Variants in CEP57 observed in about 807,000 individuals in gnomAD.
CEP57 encodes the protein centrosomal protein of 57 kDa.
In CEP57, 40 loss-of-function variants were observed where a neutral mutation model predicts 68.0. The observed-to-expected ratio is 0.59, with a 90% CI of 0.46 to 0.77. CEP57 has a LOEUF of 0.77. Ranked by LOEUF, CEP57 falls within the 30% of genes least tolerant of loss-of-function variation. The probability of loss-of-function intolerance (pLI) is 0.00; values close to 1 mark genes in which losing one functional copy is unlikely to be tolerated. For synonymous variants in CEP57, 219 were observed against 198.7 expected (o/e 1.10, Z -0.86); for missense variants, 606 against 580.7 (o/e 1.04, Z -0.45).
rs537219232 is a variant in CEP57, at chr11:95,813,668, G to A, written c.504+79G>A. The A allele has an allele frequency of 1.7e-5, 26 of 1,556,342 alleles. No individual in the cohort carries two copies. The East Asian group carries it at 1.8e-4, about 11-fold the overall frequency. On this transcript the variant is annotated intron_variant, in intron 4 of 10. Transcript: ENST00000325542. ...ATTGAATAAAGACTTTTTTTCTTTCGGTGAGGATTAATGGTGCTGTTACAG... is the reference window on the plus strand; with the variant it reads ...ATTGAATAAAGACTTTTTTTCTTTCAGTGAGGATTAATGGTGCTGTTACAG...
chr11:95,813,416 A>G, intron 3 of CEP57, 52 bp from the exon 4 acceptor site: 1 of 1,597,480 alleles, frequency 6.3e-7, no homozygotes, highest in Non-Finnish European at 8.5e-7. Flanking sequence ...CAGCTTGTTA[A>G]AACTATTTTA....
chr11:95,816,214 T>C (rs1862292032), intron 4 of CEP57, among the ~76,000 whole-genome samples: 1 of 152,162 alleles, frequency 6.6e-6, no homozygotes, highest in South Asian at 2.1e-4. Flanking sequence ...GAGAGGGAAG[T>C]GCAGAGCAAG....
chr11:95,813,692 A>G (rs1862177264), intron 4 of CEP57, 103 bp downstream of exon 4: 1 of 1,373,184 alleles, frequency 7.3e-7, no homozygotes, highest in African/African-American at 1.4e-5. Flanking sequence ...GTGCTGTTAC[A>G]GCCCAGGACT....
chr11:95,805,672 T>G (rs1288453720), intron 2 of CEP57, among the ~76,000 whole-genome samples: 2 of 152,334 alleles, frequency 1.3e-5, no homozygotes, highest in South Asian at 2.1e-4. Context: ...GGAAATGTTT[T>G]AAGATTTATA....
At chr11:95,800,830 G>A (rs1344384334) in intron 2 of CEP57, among the ~76,000 whole-genome samples, 1 of 152,136 alleles carries the variant, frequency 6.6e-6, no homozygotes, top group Non-Finnish European at 1.5e-5. Flanking sequence ...TTTGTTAATC[G>A]TCTTTTAGAT....
chr11:95,793,171 G>A (rs946358932), intron 1 of CEP57, among the ~76,000 whole-genome samples: 5 of 152,196 alleles, frequency 3.3e-5, no homozygotes, highest in Non-Finnish European at 5.9e-5. Context: ...TGGAAGTAGG[G>A]CGATAGGTTT....
chr11:95,829,716 T>C (rs1272055091), intron 10 of CEP57, among the ~76,000 whole-genome samples: 1 of 152,218 alleles, frequency 6.6e-6, no homozygotes, highest in Non-Finnish European at 1.5e-5. Flanking sequence ...AATCATTTTA[T>C]ATCAGCCAAC....
At chr11:95,799,127 C>T in intron 1 of CEP57, 105 bp from the exon 2 acceptor site, 1 of 1,119,798 alleles carries the variant, frequency 8.9e-7, no homozygotes, top group South Asian at 1.3e-5. Context: ...TGGATTTTTT[C>T]TGTTGTCTGT....
At position 95,829,254 on chromosome 11, in the gene CEP57, T is replaced by TTA; in HGVS notation, c.1195_1196insTA (p.Cys399LeufsTer7). On this transcript the variant is annotated frameshift_variant, in exon 10 of 11. Transcript: ENST00000325542. LOFTEE classifies it high-confidence loss of function. ...CGTTGAACTGAAAGACAAGTTGGAG[T>TTA]GTGAATTGGAGGCATTAGTGGGAAG... is the stretch of plus-strand genomic sequence containing the variant. The TTA allele has an allele frequency of 6.2e-7, 1 of 1,613,808 alleles. No homozygotes were observed. The highest frequency in any genetic ancestry group is 8.5e-7 in the Non-Finnish European group (1 of 1,179,972).
At position 95,818,049 on chromosome 11, in the gene CEP57, T is replaced by A. The variant is rs1372042255; in HGVS notation, c.621+146T>A. The A allele has an allele frequency of 4.7e-6, 3 of 643,142 alleles. No homozygotes were observed. In the East Asian group the frequency reaches 8.6e-5, roughly 18 times the overall value. The allele number at this position is 643,142 out of a possible 1,614,324, so 39.8% of individuals were successfully genotyped here. On this transcript the variant is annotated intron_variant, in intron 5 of 10. Coordinates refer to ENST00000325542, the MANE Select transcript of CEP57 (RefSeq NM_014679.5). ...TGGAGTTTTAAAAAGAAAATATAAA[T>A]TTGGAGAGAATGTTCACATTTTACA... is the stretch of plus-strand genomic sequence containing the variant.
At chr11:95,827,749 A>C (rs1340285733) in intron 8 of CEP57, 37 bp from the exon 9 acceptor site, 4 of 1,612,518 alleles carry the variant, frequency 2.5e-6, no homozygotes, top group Non-Finnish European at 3.4e-6. Flanking sequence ...AGAGAATATA[A>C]CTTCAATTAC....
intron 2 of CEP57, among the ~76,000 whole-genome samples, chr11:95,808,034 C>A (rs961385458): frequency 6.6e-6 from 1 of 152,088 alleles, no homozygotes; most frequent in Non-Finnish European, 1.5e-5. Context: ...GCAGAAACTA[C>A]AAGCCAGAAG....
chr11:95,827,746 A>G (rs373894070), intron 8 of CEP57, 40 bp from the exon 9 acceptor site: 22 of 1,612,352 alleles, frequency 1.4e-5, no homozygotes, highest in East Asian at 8.9e-5. Flanking sequence ...TGTAGAGAAT[A>G]TAACTTCAAT....
chr11:95,828,798 C>T (rs1045376757), intron 9 of CEP57, among the ~76,000 whole-genome samples: 1 of 152,002 alleles, frequency 6.6e-6, no homozygotes, highest in Non-Finnish European at 1.5e-5. Context: ...CATGGTGGCT[C>T]ACACCTGTAA....
At chr11:95,801,652 T>C (rs550368972) in intron 2 of CEP57, among the ~76,000 whole-genome samples, 39 of 151,956 alleles carry the variant, frequency 2.6e-4, no homozygotes, top group African/African-American at 8.7e-4. Flanking sequence ...AAGGAAACTT[T>C]TAAAAAGTTC....
At chr11:95,794,712 T>C (rs1005328194) in intron 1 of CEP57, among the ~76,000 whole-genome samples, 1 of 152,202 alleles carries the variant, frequency 6.6e-6, no homozygotes, top group African/African-American at 2.4e-5. Flanking sequence ...GTAAAATTTG[T>C]TAGTCTTTTT....
At chr11:95,796,562 G>A (rs925903942) in intron 1 of CEP57, among the ~76,000 whole-genome samples, 17 of 152,074 alleles carry the variant, frequency 1.1e-4, no homozygotes, top group African/African-American at 3.4e-4. Flanking sequence ...CCTGTTTTGC[G>A]GAGGAAATGT....
In CEP57 at chr11:95,813,607, C is replaced by T. The variant is rs1294798921; in HGVS notation, c.504+18C>T. The T allele has an allele frequency of 6.2e-7, 1 of 1,611,718 alleles. No individual in the cohort carries two copies. Among genetic ancestry groups the T allele is most frequent in the East Asian group, 2.2e-5 (1 of 44,806 alleles). The stretch of plus-strand genomic sequence containing the variant: ...AGAAACAAGTAAGTAAAGCACCTCA[C>T]AGATTGATACTCAAGAACAGTTATG... On this transcript the variant is annotated intron_variant, in intron 4 of 10. Transcript: ENST00000325542.
Position 95,812,808 on chromosome 11 carries a change from A to G in CEP57, c.203-124A>G, listed in dbSNP as rs1862124491. 5.8e-6 allele frequency: 5 copies of G among 860,948 alleles called. No homozygotes were observed. The East Asian group carries it at 9.8e-5, about 17-fold the overall frequency. 53.3% of individuals were successfully genotyped at this position (860,948 alleles called of 1,614,324 possible). ...ATAATTAACATTTTATTGTTCCCAA[A>G]GAGTGATCCTCCACTGGACTCATCC... On this transcript the variant is annotated intron_variant, in intron 2 of 10. Coordinates refer to ENST00000325542, the MANE Select transcript of CEP57 (RefSeq NM_014679.5).
Sources: gnomAD v4.1 joint callset for allele counts (sites outside exome capture counted in the v4.1 genomes callset) on GRCh38, gnomAD v4.1.1 for gene constraint, MANE v1.5 for transcripts, NCBI Gene and HGNC (gene_info 2026-07-23, HGNC 2026-07-21) for gene names.